SUPT3H: variants seen among roughly 807,000 people sequenced by gnomAD.
SUPT3H encodes the protein SPT3 homolog, SAGA and STAGA complex component, also known as transcription initiation protein SPT3 homolog.
A neutral mutation model predicts 44.3 loss-of-function variants in SUPT3H; 44 were observed. That is an observed-to-expected ratio of 0.99 (90% CI 0.78 to 1.28). The LOEUF (loss-of-function observed/expected upper bound fraction) is 1.28. Among genes scored for constraint, SUPT3H ranks in the 50% most tolerant of loss-of-function variants. SUPT3H has a pLI of 0.00. For missense variants in SUPT3H, 380 were observed against 387.1 expected, an observed-to-expected ratio of 0.98 and a Z score of 0.15; for synonymous variants, 124 against 125.6, an observed-to-expected ratio of 0.99 and a Z score of 0.09.
intron 2 of SUPT3H, among the ~76,000 whole-genome samples, chr6:45,181,567 G>A (rs201536746): frequency 0.11 from 16,955 of 151,632 alleles, 1,339 homozygotes; most frequent in East Asian, 0.26. Flanking sequence ...TCCTTTGTAG[G>A]GACATGGATG....
intron 2 of SUPT3H, among the ~76,000 whole-genome samples, chr6:45,206,065 T>A (rs1440144970): frequency 6.6e-6 from 1 of 152,218 alleles, no homozygotes; most frequent in Non-Finnish European, 1.5e-5. Context: ...TTTAGCTATG[T>A]ATCTATGCAG....
At chr6:45,198,741 G>T (rs970751569) in intron 2 of SUPT3H, among the ~76,000 whole-genome samples, 2 of 20,062 alleles carry the variant, frequency 1.0e-4, no homozygotes, top group African/African-American at 5.0e-4. Context: ...CTTTCCTTGA[G>T]TTACTCTGAG....
intron 2 of SUPT3H, among the ~76,000 whole-genome samples, chr6:45,257,054 A>G (rs953037293): frequency 6.6e-5 from 10 of 152,188 alleles, no homozygotes; most frequent in African/African-American, 2.4e-4. Flanking sequence ...CATTCTTACT[A>G]GCAGTGTATG....
intron 2 of SUPT3H, among the ~76,000 whole-genome samples, chr6:45,221,811 T>C (rs540431960): frequency 3.9e-5 from 6 of 152,306 alleles, no homozygotes; most frequent in African/African-American, 1.4e-4. Context: ...CAGCTACTTC[T>C]AGAACAGCTA....
At chr6:45,149,095 T>C (rs565149598) in intron 2 of SUPT3H, among the ~76,000 whole-genome samples, 236 of 152,340 alleles carry the variant, frequency 1.5e-3, no homozygotes, top group African/African-American at 5.4e-3. Flanking sequence ...AACATATTAA[T>C]ATACAGTAGT....
intron 3 of SUPT3H, among the ~76,000 whole-genome samples, chr6:45,063,392 T>C (rs986705503): frequency 3.3e-5 from 5 of 151,304 alleles, no homozygotes; most frequent in Middle Eastern, 3.4e-3. Flanking sequence ...AACTCTAAAA[T>C]GCAGAGCGTC....
intron 2 of SUPT3H, among the ~76,000 whole-genome samples, chr6:45,158,197 C>CAT (rs1218500321): frequency 1.7e-4 from 19 of 108,878 alleles, no homozygotes; most frequent in African/African-American, 6.5e-4. Context: ...GGGTAGAAAC[C>CAT]ATAGAGATAG....
At chr6:45,271,332 G>T (rs562021777) in intron 2 of SUPT3H, among the ~76,000 whole-genome samples, 4 of 152,140 alleles carry the variant, frequency 2.6e-5, no homozygotes, top group African/African-American at 9.7e-5. Context: ...AGGAAAAAAT[G>T]GTTTCCTGGG....
chr6:44,957,720 C>A (rs932362744), intron 7 of SUPT3H, among the ~76,000 whole-genome samples: 11 of 151,328 alleles, frequency 7.3e-5, no homozygotes, highest in Non-Finnish European at 1.3e-4. Flanking sequence ...TCCCTAGCAC[C>A]TAGAATACTG....
chr6:45,213,795 AT>A (rs1764532212), intron 2 of SUPT3H, among the ~76,000 whole-genome samples: 1 of 152,056 alleles, frequency 6.6e-6, no homozygotes, highest in African/African-American at 2.4e-5. Context: ...ATTATTCCAA[AT>A]TTTGAATTAA....
At chr6:44,902,970 C>G (rs571857803) in intron 10 of SUPT3H, among the ~76,000 whole-genome samples, 138 of 152,156 alleles carry the variant, frequency 9.1e-4, no homozygotes, top group African/African-American at 2.9e-3. Context: ...TAAAGATGTC[C>G]TTTGAAACCA....
chr6:45,372,804 A>C (rs1796267214), intron 1 of SUPT3H, among the ~76,000 whole-genome samples: 2 of 151,944 alleles, frequency 1.3e-5, no homozygotes, highest in African/African-American at 2.4e-5. Context: ...TACTACAGGC[A>C]CAAACCACCA....
chr6:45,270,180 G>C (rs1056048078), intron 2 of SUPT3H, among the ~76,000 whole-genome samples: 3 of 152,028 alleles, frequency 2.0e-5, no homozygotes, highest in Non-Finnish European at 4.4e-5. Context: ...GCTCCATCAA[G>C]GTCAAGACAC....
At chr6:45,311,544 A>G (rs1055507715) in intron 2 of SUPT3H, among the ~76,000 whole-genome samples, 1 of 152,228 alleles carries the variant, frequency 6.6e-6, no homozygotes, top group African/African-American at 2.4e-5. Flanking sequence ...AAAGGAAAGT[A>G]TCATAAAAGC....
chr6:45,189,854 T>C (rs1814849110), intron 2 of SUPT3H, among the ~76,000 whole-genome samples: 1 of 152,240 alleles, frequency 6.6e-6, no homozygotes, highest in Non-Finnish European at 1.5e-5. Context: ...GTAACACAAT[T>C]GGCCACTTTT....
chr6:45,217,491 A>C (rs750170703), intron 2 of SUPT3H, among the ~76,000 whole-genome samples: 1 of 151,850 alleles, frequency 6.6e-6, no homozygotes, highest in Non-Finnish European at 1.5e-5. Context: ...AAAATAAAAT[A>C]AAATAAAATA....
intron 10 of SUPT3H, among the ~76,000 whole-genome samples, chr6:44,872,415 G>A (rs1413017178): frequency 1.5e-5 from 2 of 131,830 alleles, no homozygotes; most frequent in African/African-American, 5.6e-5. Context: ...ATAAGTGAAG[G>A]AGAAATAAAA....
chr6:45,175,820 C>G (rs1811687825), intron 2 of SUPT3H, among the ~76,000 whole-genome samples: 1 of 152,064 alleles, frequency 6.6e-6, no homozygotes. Flanking sequence ...TACTGAGAAA[C>G]AGATAACTCC....
intron 2 of SUPT3H, among the ~76,000 whole-genome samples, chr6:45,142,720 G>T (rs1298351041): frequency 1.2e-5 from 1 of 84,458 alleles, no homozygotes; most frequent in African/African-American, 4.7e-5. Flanking sequence ...TGGGCAAGAA[G>T]AGCTAAACTC....
Sources: allele counts gnomAD v4.1 joint callset (sites outside exome capture counted in the v4.1 genomes callset), GRCh38; gene constraint gnomAD v4.1.1; transcripts MANE v1.5; gene names NCBI Gene and HGNC (gene_info 2026-07-23, HGNC 2026-07-21).